TENM3: variants seen among roughly 807,000 people sequenced by gnomAD.
TENM3 encodes teneurin transmembrane protein 3, also known as teneurin-3.
In TENM3, 63 loss-of-function variants were observed where a neutral mutation model predicts 255.1. The ratio of observed to expected loss-of-function variants is 0.25; its 90% CI spans 0.20 to 0.30. The LOEUF is 0.30. Among genes scored for constraint, TENM3 ranks in the 10% least tolerant of loss-of-function variants. The probability of loss-of-function intolerance (pLI) is 1.00; values close to 1 mark genes in which losing one functional copy is unlikely to be tolerated. For missense variants in TENM3, 2,929 were observed against 3,461.1 expected (o/e 0.85, Z 3.86); for synonymous variants, 1,306 against 1,322.3 (o/e 0.99, Z 0.27).
At chr4:182,266,752 A>T (rs1367063018) in intron 1 of TENM3, among the ~76,000 whole-genome samples, 2 of 152,194 alleles carry the variant, frequency 1.3e-5, no homozygotes, top group African/African-American at 4.8e-5. Flanking sequence ...TATTATTGGC[A>T]TATGTTCCGA....
the TENM3 span, among the ~76,000 whole-genome samples, chr4:182,053,853 G>T: frequency 2.0e-5 from 3 of 152,068 alleles, no homozygotes. Flanking sequence ...ACTCATTTCC[G>T]TTTAAATCCC....
At chr4:181,700,312 A>C in the TENM3 span, among the ~76,000 whole-genome samples, 68 of 152,114 alleles carry the variant, frequency 4.5e-4, no homozygotes, top group Non-Finnish European at 7.5e-4. Flanking sequence ...GCTTCTCAGG[A>C]ATACATTTAT....
At chr4:182,702,959 A>G (rs1758004469) in intron 12 of TENM3, among the ~76,000 whole-genome samples, 1 of 151,742 alleles carries the variant, frequency 6.6e-6, no homozygotes, top group Admixed American at 6.6e-5. Context: ...GATGGTCTCG[A>G]TCTCCTGACC....
At chr4:181,455,622 C>G in the TENM3 span, among the ~76,000 whole-genome samples, 8 of 151,942 alleles carry the variant, frequency 5.3e-5, no homozygotes, top group Non-Finnish European at 8.8e-5. Context: ...TAAAGATTAT[C>G]TGGTTGCTTG....
the TENM3 span, among the ~76,000 whole-genome samples, chr4:181,941,143 T>C: frequency 6.6e-6 from 1 of 152,170 alleles, no homozygotes; most frequent in Admixed American, 6.5e-5. Context: ...AGTTTGGAAA[T>C]ATTTACTCCT....
intron 3 of TENM3, among the ~76,000 whole-genome samples, chr4:182,462,336 G>A (rs750013750): frequency 1.3e-5 from 2 of 151,984 alleles, no homozygotes; most frequent in Non-Finnish European, 2.9e-5. Flanking sequence ...TGGGATTACA[G>A]GCATGAGCCA....
chr4:182,449,594 T>G (rs1773281406), intron 3 of TENM3, among the ~76,000 whole-genome samples: 1 of 152,198 alleles, frequency 6.6e-6, no homozygotes, highest in Non-Finnish European at 1.5e-5. Flanking sequence ...ATAATTTATG[T>G]CTGAAATGTG....
chr4:181,702,647 G>A, the TENM3 span, among the ~76,000 whole-genome samples: 1 of 152,078 alleles, frequency 6.6e-6, no homozygotes, highest in Non-Finnish European at 1.5e-5. Context: ...GAAAACTAAA[G>A]TTTAAAAATC....
the TENM3 span, among the ~76,000 whole-genome samples, chr4:181,971,850 A>G: frequency 2.0e-5 from 3 of 151,846 alleles, no homozygotes; most frequent in Admixed American, 6.6e-5. Context: ...AATTACAGTC[A>G]TGCACCACTG....
intron 7 of TENM3, among the ~76,000 whole-genome samples, chr4:182,678,806 G>T (rs1008723061): frequency 6.6e-6 from 1 of 152,200 alleles, no homozygotes; most frequent in African/African-American, 2.4e-5. Context: ...AAACAAGGTT[G>T]CTGGCAACAT....
intron 3 of TENM3, among the ~76,000 whole-genome samples, chr4:182,484,926 A>T (rs959956470): frequency 2.4e-4 from 36 of 152,176 alleles, no homozygotes; most frequent in African/African-American, 7.7e-4. Context: ...ATGGCCACAG[A>T]TACTCCGTGT....
chr4:181,498,861 A>G, the TENM3 span, among the ~76,000 whole-genome samples: 1 of 152,208 alleles, frequency 6.6e-6, no homozygotes, highest in Non-Finnish European at 1.5e-5. Context: ...TAAGGCGTTA[A>G]CTAGGAGAAG....
chr4:182,227,694 T>G (rs910453811), intron 1 of TENM3, among the ~76,000 whole-genome samples: 3 of 151,914 alleles, frequency 2.0e-5, no homozygotes, highest in Admixed American at 2.0e-4. Flanking sequence ...ATTCCTTTTT[T>G]CAGTGGCTTC....
the TENM3 span, among the ~76,000 whole-genome samples, chr4:181,584,568 A>C: frequency 6.6e-5 from 10 of 152,228 alleles, no homozygotes; most frequent in Admixed American, 6.5e-4. Flanking sequence ...TAAAATATCC[A>C]ACTAAAATGT....
chr4:182,637,381 C>A (rs572019748), intron 5 of TENM3, among the ~76,000 whole-genome samples: 2 of 152,076 alleles, frequency 1.3e-5, no homozygotes, highest in Non-Finnish European at 2.9e-5. Flanking sequence ...CAAAGCCAGA[C>A]GTGGTGGCAA....
the TENM3 span, among the ~76,000 whole-genome samples, chr4:181,735,560 A>G: frequency 9.5e-4 from 145 of 152,334 alleles, no homozygotes; most frequent in African/African-American, 3.3e-3. Context: ...CTTTAGACAT[A>G]TATACAATAA....
chr4:181,737,025 A>C, the TENM3 span, among the ~76,000 whole-genome samples: 1 of 152,054 alleles, frequency 6.6e-6, no homozygotes, highest in South Asian at 2.1e-4. Flanking sequence ...TCTTTGAAAA[A>C]CGATGTGAAT....
Position 182,738,456 on chromosome 4 carries a change from G to T in TENM3, c.3291G>T (p.Arg1097Ser). 6.2e-7 allele frequency: 1 copy of T among 1,613,384 alleles called. No individual in the cohort carries two copies. Among genetic ancestry groups the T allele is most frequent in the South Asian group, 1.1e-5 (1 of 90,972 alleles). Residue 1097 changes from arginine to serine, a missense_variant, in exon 18 of 28, where the codon AGG becomes AGT. By Grantham distance (110) the Arg-to-Ser change is moderately radical. Transcript: ENST00000511685. Reference protein sequence around the residue: ...SCLDLTLWEKRTAILQGYELD... With the variant: ...SCLDLTLWEKSTAILQGYELD... ...TGGACCTGACTCTGTGGGAAAAGAG[G>T]ACTGCCATTCTGCAGGGCTATGAAT...
At chr4:182,086,007 A>G in the TENM3 span, among the ~76,000 whole-genome samples, 4 of 152,188 alleles carry the variant, frequency 2.6e-5, no homozygotes, top group Non-Finnish European at 5.9e-5. Flanking sequence ...AATAGCTTGT[A>G]AATTTTGACG....
Sources: gnomAD v4.1 joint callset for allele counts (sites outside exome capture counted in the v4.1 genomes callset) on GRCh38, gnomAD v4.1.1 for gene constraint, MANE v1.5 for transcripts, NCBI Gene and HGNC (gene_info 2026-07-23, HGNC 2026-07-21) for gene names.